ZMAT3: variants seen among roughly 807,000 people sequenced by gnomAD.
ZMAT3 encodes the protein zinc finger matrin-type 3.
In ZMAT3, 17 loss-of-function variants were observed where a neutral mutation model predicts 32.3. The observed-to-expected ratio is 0.53, with a 90% confidence interval of 0.36 to 0.79. ZMAT3 has a LOEUF of 0.79. ZMAT3 is among the 30% of genes least tolerant of loss of function. The pLI, the probability that ZMAT3 is intolerant of heterozygous loss-of-function variation, is 0.00. For missense variants in ZMAT3, 329 were observed against 359.7 expected, an observed-to-expected ratio of 0.91 and a Z score of 0.69; for synonymous variants, 120 against 133.1, an observed-to-expected ratio of 0.90 and a Z score of 0.68.
At position 179,018,287 on chromosome 3, in the gene ZMAT3, CTT is replaced by C. The variant is rs1323591637; in HGVS notation, c.*6728_*6729del. 1.3e-5 allele frequency: 2 copies of C among 151,994 alleles called. No homozygotes were observed. The highest frequency in any genetic ancestry group is 6.6e-5 in the Admixed American group (1 of 15,258). 9.4% of individuals were successfully genotyped at this position (151,994 alleles called of 1,614,324 possible). On this transcript the variant is annotated 3_prime_UTR_variant, in exon 6 of 6. Coordinates refer to ENST00000311417, the MANE Select transcript of ZMAT3 (RefSeq NM_022470.4). ...GGGGTCACTTAAGCACTTACAAAGACTTATAAATGAATCATGAAGGTCATCAA... is the reference window on the plus strand; with the variant it reads ...GGGGTCACTTAAGCACTTACAAAGACATAAATGAATCATGAAGGTCATCAA...
chr3:179,057,912 A>T (rs1720935605), intron 2 of ZMAT3, among the ~76,000 whole-genome samples: 1 of 152,240 alleles, frequency 6.6e-6, no homozygotes, highest in African/African-American at 2.4e-5. Flanking sequence ...AAGCGGAAGT[A>T]GCTTTCTAGG....
chr3:179,019,077 GTT>G lies in ZMAT3; in HGVS notation c.*5938_*5939del, dbSNP rs987281652. The G allele has an allele frequency of 2.0e-5, 3 of 152,124 alleles. No individual in the cohort carries two copies. The highest frequency in any genetic ancestry group is 7.2e-5 in the African/African-American group (3 of 41,430). 9.4% of individuals were successfully genotyped at this position (152,124 alleles called of 1,614,324 possible). On this transcript the variant is annotated 3_prime_UTR_variant, in exon 6 of 6. Transcript: ENST00000311417. ...CATAAACCCCAATCAGTAATTTACA[GTT>G]TTTTGAAGAAGCTGCATAGTTTGGC...
At chr3:179,039,139 G>A (rs1465250284) in intron 2 of ZMAT3, among the ~76,000 whole-genome samples, 1 of 152,256 alleles carries the variant, frequency 6.6e-6, no homozygotes, top group East Asian at 1.9e-4. Flanking sequence ...GGGCTTAGCT[G>A]AACAAAAGGC....
chr3:179,056,539 C>A (rs552352712), intron 2 of ZMAT3, among the ~76,000 whole-genome samples: 26 of 152,306 alleles, frequency 1.7e-4, no homozygotes, highest in African/African-American at 6.3e-4. Context: ...AGGCCCACTG[C>A]CCCAGGGGAT....
chr3:179,035,603 G>A (rs528189274), intron 2 of ZMAT3, among the ~76,000 whole-genome samples: 25 of 135,068 alleles, frequency 1.9e-4, no homozygotes, highest in African/African-American at 6.3e-4. Flanking sequence ...ATAGTTTGTT[G>A]ACTTGTTTTT....
rs2108563541 is a variant in ZMAT3 at position 179,046,340 on chromosome 3, G to A, written c.271-15341C>T. Among the ~76,000 whole-genome samples, 1 of 152,242 alleles carries A rather than the reference G, an allele frequency of 6.6e-6. No individual in the cohort carries two copies. The highest frequency in any genetic ancestry group is 2.4e-5 in the African/African-American group (1 of 41,534). ...CATCCACAACATAATGATACTAATG[G>A]CAACTAAGAAAAGTATGCAAATTTG... On this transcript the variant is annotated intron_variant, in intron 2 of 5. Coordinates refer to ENST00000311417, the MANE Select transcript of ZMAT3 (RefSeq NM_022470.4). The surrounding 1 kb of genome is among the most constrained non-coding windows in gnomAD (Gnocchi z 4.3).
rs1576828592 is a variant in ZMAT3, at chr3:179,020,446, A to T, written c.*4571T>A. 3 of 152,220 alleles carry T rather than the reference A, an allele frequency of 2.0e-5. No homozygotes were observed. The South Asian group carries it at 6.2e-4, about 31-fold the overall frequency. 9.4% of individuals were successfully genotyped at this position (152,220 alleles called of 1,614,324 possible). A position where few individuals can be genotyped will look rare whatever the true frequency, so the allele number is the denominator to read the frequency against. On this transcript the variant is annotated 3_prime_UTR_variant, in exon 6 of 6. Transcript: ENST00000311417. Reference sequence around the variant, plus strand: ...GTTCTCCCCTGCCAAGAAAGCAAAAACAATAACAAAACACTTTTTATCATA... The same window carrying T: ...GTTCTCCCCTGCCAAGAAAGCAAAATCAATAACAAAACACTTTTTATCATA...
At chr3:179,055,015 C>T (rs1323763124) in intron 2 of ZMAT3, among the ~76,000 whole-genome samples, 1 of 152,176 alleles carries the variant, frequency 6.6e-6, no homozygotes, top group Non-Finnish European at 1.5e-5. Flanking sequence ...GCCAAGAACC[C>T]CAGGTCAGAG....
chr3:179,042,421 T>C (rs545127420), intron 2 of ZMAT3, among the ~76,000 whole-genome samples: 2 of 152,220 alleles, frequency 1.3e-5, no homozygotes, highest in South Asian at 4.1e-4. Context: ...TGGTTCAACA[T>C]ACACAAATCA....
chr3:179,055,480 T>C (rs7651110), intron 2 of ZMAT3, among the ~76,000 whole-genome samples: 115,469 of 145,116 alleles, frequency 0.8, 46,252 homozygotes, highest in East Asian at 0.93. Context: ...CAGCGTCCCC[T>C]CCCCGACTCC....
intron 2 of ZMAT3, among the ~76,000 whole-genome samples, chr3:179,037,328 G>A (rs6769215): frequency 0.6 from 91,354 of 151,918 alleles, 27,632 homozygotes; most frequent in East Asian, 0.8. Flanking sequence ...CCGGATGAGA[G>A]CTGTAACACC....
chr3:179,045,389 C>G (rs1720177597), intron 2 of ZMAT3, among the ~76,000 whole-genome samples: 1 of 152,114 alleles, frequency 6.6e-6, no homozygotes, highest in South Asian at 2.1e-4. Context: ...ATGTAAGTGA[C>G]CACCTACAGG....
At chr3:179,057,237 G>T (rs1720894095) in intron 2 of ZMAT3, among the ~76,000 whole-genome samples, 2 of 152,154 alleles carry the variant, frequency 1.3e-5, no homozygotes, top group Admixed American at 6.5e-5. Flanking sequence ...AAGATCTCAG[G>T]ATTATCAATG....
upstream of ZMAT3, among the ~76,000 whole-genome samples, chr3:179,072,456 C>T (rs1016024134): frequency 6.6e-6 from 1 of 152,066 alleles, no homozygotes; most frequent in Non-Finnish European, 1.5e-5. Flanking sequence ...GAGTGGCCAA[C>T]GCTAGGATGT....
At chr3:179,027,071 C>A (rs190768951) in intron 5 of ZMAT3, among the ~76,000 whole-genome samples, 1 of 152,152 alleles carries the variant, frequency 6.6e-6, no homozygotes, top group African/African-American at 2.4e-5. Context: ...AAAAACACTG[C>A]TTTAGAATCT....
chr3:179,046,806 A>G lies in ZMAT3; in HGVS notation c.271-15807T>C, dbSNP rs1006422048. ...ATAATCCCCCTGGGAACATAACTCC[A>G]TTGGCCCGTTCACACCCCTATTCCC... On this transcript the variant is annotated intron_variant, in intron 2 of 5. Coordinates refer to ENST00000311417, the MANE Select transcript of ZMAT3 (RefSeq NM_022470.4). This position sits in a 1 kb window ranked among gnomAD's most constrained non-coding sequence, Gnocchi z 4.3. Among the ~76,000 whole-genome samples, 3 of 152,080 alleles carry G rather than the reference A, an allele frequency of 2.0e-5. No individual in the cohort carries two copies. Among genetic ancestry groups the G allele is most frequent in the Non-Finnish European group, 4.4e-5 (3 of 68,012 alleles).
chr3:179,064,433 A>G (rs1721300729), intron 2 of ZMAT3, among the ~76,000 whole-genome samples: 7 of 151,926 alleles, frequency 4.6e-5, no homozygotes, highest in Admixed American at 4.6e-4. Flanking sequence ...CATTGGTCTT[A>G]TCCTTCTCTT....
intron 1 of ZMAT3, 57 bp downstream of exon 1, chr3:179,071,538 C>A (rs892237431): frequency 3.3e-5 from 5 of 152,260 alleles, no homozygotes; most frequent in African/African-American, 4.8e-5. Flanking sequence ...CCGCTAGTCC[C>A]CGGCGCTCCA....
chr3:179,068,481 C>T (rs1164213758), intron 1 of ZMAT3, among the ~76,000 whole-genome samples: 1 of 151,368 alleles, frequency 6.6e-6, no homozygotes, highest in East Asian at 1.9e-4. Flanking sequence ...CATTGCACTC[C>T]AGCCTGGGTG....
Sources: gnomAD v4.1 joint callset for allele counts (sites outside exome capture counted in the v4.1 genomes callset) on GRCh38, gnomAD v4.1.1 for gene constraint, Gnocchi (gnomAD v3.1) non-coding constraint, MANE v1.5 for transcripts, NCBI Gene and HGNC (gene_info 2026-07-23, HGNC 2026-07-21) for gene names.